Variants in FTCDNL1 observed in about 807,000 individuals in gnomAD.
FTCDNL1 encodes the protein formiminotransferase N-terminal subdomain-containing protein.
FTCDNL1 carries 11 observed loss-of-function variants against 5.9 expected under a neutral mutation model. The observed-to-expected ratio is 1.87, with a 90% CI of 1.18 to 3.10. The LOEUF (loss-of-function observed/expected upper bound fraction) is 3.10, where lower values mean the gene tolerates loss of function less well. Among genes scored for constraint, FTCDNL1 ranks in the 30% most tolerant of loss-of-function variants. FTCDNL1 has a pLI of 0.00. For synonymous variants in FTCDNL1, 58 were observed against 24.8 expected (o/e 2.34, Z -3.99); for missense variants, 115 against 65.5 (o/e 1.76, Z -2.61).
At chr2:199,772,762 C>A (rs1698875657) in intron 3 of FTCDNL1, among the ~76,000 whole-genome samples, 1 of 152,174 alleles carries the variant, frequency 6.6e-6, no homozygotes, top group African/African-American at 2.4e-5. Context: ...GTTAACATAG[C>A]CTCAAGATAA....
chr2:199,837,671 A>C (rs959748387), intron 3 of FTCDNL1, among the ~76,000 whole-genome samples: 34 of 152,190 alleles, frequency 2.2e-4, no homozygotes, highest in Non-Finnish European at 2.8e-4. Context: ...AGAATAATTG[A>C]AAAAAATCTA....
At chr2:199,829,643 T>C (rs960931897) in intron 3 of FTCDNL1, among the ~76,000 whole-genome samples, 1 of 152,224 alleles carries the variant, frequency 6.6e-6, no homozygotes. Flanking sequence ...CTTAATTAAA[T>C]GTATCTGTCT....
chr2:199,785,249 C>CTTTTTGTTT lies in FTCDNL1; in HGVS notation c.212-24415_212-24414insAAACAAAAA, dbSNP rs1699576519. 7.8e-5 allele frequency among the ~76,000 whole-genome samples: 6 copies of CTTTTTGTTT among 76,866 alleles called. 1 individual carries two copies. Among genetic ancestry groups the CTTTTTGTTT allele is most frequent in the Non-Finnish European group, 1.1e-4 (5 of 45,980 alleles). The allele number at this position is 76,866 out of a possible 152,430, so 50.4% of individuals were successfully genotyped here. ...AGGGTCTCTAAACTCTTCCAAATTC[C>CTTTTTGTTT]TTTTTTTTTTTTTTTTGAGACAGAA... On this transcript the variant is annotated intron_variant, in intron 3 of 3. Coordinates refer to the FTCDNL1 transcript ENST00000416668.
At chr2:199,735,318 C>T in the FTCDNL1 span, among the ~76,000 whole-genome samples, 1 of 152,106 alleles carries the variant, frequency 6.6e-6, no homozygotes, top group Non-Finnish European at 1.5e-5. Flanking sequence ...TCTTTCCGTG[C>T]CACATCATTT....
At chr2:199,690,292 T>C in the FTCDNL1 span, among the ~76,000 whole-genome samples, 7 of 152,206 alleles carry the variant, frequency 4.6e-5, no homozygotes, top group African/African-American at 1.4e-4. Context: ...CACACAAATC[T>C]GATTTTGTAA....
the FTCDNL1 span, among the ~76,000 whole-genome samples, chr2:199,696,243 T>C: frequency 6.6e-6 from 1 of 152,168 alleles, no homozygotes; most frequent in African/African-American, 2.4e-5. Flanking sequence ...CACGCATACA[T>C]GGACCCCACA....
chr2:199,787,903 A>G (rs998372290), intron 3 of FTCDNL1, among the ~76,000 whole-genome samples: 6 of 152,228 alleles, frequency 3.9e-5, no homozygotes, highest in Non-Finnish European at 7.3e-5. Flanking sequence ...TTCCGAGGAC[A>G]TAATTTTGTT....
chr2:199,666,369 TTC>T, the FTCDNL1 span, among the ~76,000 whole-genome samples: 2 of 152,186 alleles, frequency 1.3e-5, no homozygotes, highest in Non-Finnish European at 2.9e-5. Context: ...ATTTGCTGAA[TTC>T]TAGACCCAAC....
At chr2:199,794,154 A>G (rs979162322) in intron 3 of FTCDNL1, among the ~76,000 whole-genome samples, 18 of 152,202 alleles carry the variant, frequency 1.2e-4, no homozygotes, top group African/African-American at 4.3e-4. Flanking sequence ...AATCTTATTA[A>G]TCCTATCTAT....
In FTCDNL1 at chr2:199,810,385, T is replaced by C. The variant is rs2106447374; in HGVS notation, c.*2320A>G. ...TGGGAAAAGCAAAGGGACTCACGTG[T>C]TTTGTGATGATGTGAGTTTGGCAGG... is the stretch of plus-strand genomic sequence containing the variant. On this transcript the variant is annotated 3_prime_UTR_variant, in exon 5 of 5. Coordinates refer to ENST00000420128, the MANE Select transcript of FTCDNL1 (RefSeq NM_001363886.2). Among the ~76,000 whole-genome samples, 1 of 152,314 alleles carries C rather than the reference T, an allele frequency of 6.6e-6. No individual in the cohort carries two copies. The highest frequency in any genetic ancestry group is 1.9e-4 in the East Asian group (1 of 5,182).
At chr2:199,666,361 T>C in the FTCDNL1 span, among the ~76,000 whole-genome samples, 3 of 152,170 alleles carry the variant, frequency 2.0e-5, no homozygotes. Context: ...TATTACAGAT[T>C]TGCTGAATTC....
chr2:199,701,609 C>A, the FTCDNL1 span, among the ~76,000 whole-genome samples: 1 of 152,108 alleles, frequency 6.6e-6, no homozygotes, highest in Non-Finnish European at 1.5e-5. Context: ...ATATATACAC[C>A]ATGGAATACT....
At chr2:199,749,105 C>A in the FTCDNL1 span, among the ~76,000 whole-genome samples, 1 of 152,180 alleles carries the variant, frequency 6.6e-6, no homozygotes, top group Admixed American at 6.5e-5. Flanking sequence ...TCCTGGCTAA[C>A]TCCCACTTCT....
the FTCDNL1 span, among the ~76,000 whole-genome samples, chr2:199,725,262 G>T: frequency 1.3e-5 from 2 of 151,836 alleles, no homozygotes; most frequent in South Asian, 4.1e-4. Context: ...CTTTTCTTTT[G>T]AGCCTATGTG....
chr2:199,688,976 G>T, the FTCDNL1 span, among the ~76,000 whole-genome samples: 3 of 152,180 alleles, frequency 2.0e-5, no homozygotes, highest in Non-Finnish European at 4.4e-5. Flanking sequence ...TTCAACCTTG[G>T]AGGCAGAGTT....
the FTCDNL1 span, among the ~76,000 whole-genome samples, chr2:199,714,132 A>T: frequency 2.0e-5 from 3 of 152,232 alleles, no homozygotes; most frequent in Non-Finnish European, 4.4e-5. Flanking sequence ...AGTGATTTTG[A>T]GGACAAAATA....
the FTCDNL1 span, among the ~76,000 whole-genome samples, chr2:199,747,552 C>T: frequency 7.5e-6 from 1 of 133,330 alleles, no homozygotes; most frequent in Non-Finnish European, 1.6e-5. Flanking sequence ...TTATTCCCAT[C>T]GCTAAAACCC....
At chr2:199,783,370 G>A (rs1052683733) in intron 3 of FTCDNL1, among the ~76,000 whole-genome samples, 2 of 152,134 alleles carry the variant, frequency 1.3e-5, no homozygotes, top group African/African-American at 2.4e-5. Context: ...GTGGGGGGTT[G>A]TATACCTACT....
At chr2:199,711,805 A>G in the FTCDNL1 span, among the ~76,000 whole-genome samples, 8 of 152,344 alleles carry the variant, frequency 5.3e-5, no homozygotes, top group East Asian at 9.6e-4. Flanking sequence ...TGGGCTTCCA[A>G]TTCCTGGGTT....
Sources: gnomAD v4.1 joint callset for allele counts (sites outside exome capture counted in the v4.1 genomes callset) on GRCh38, gnomAD v4.1.1 for gene constraint, MANE v1.5 for transcripts, NCBI Gene and HGNC (gene_info 2026-07-23, HGNC 2026-07-21) for gene names.